SDK1: variants seen among roughly 807,000 people sequenced by gnomAD.
SDK1 encodes the protein protein sidekick-1.
In SDK1, 157 loss-of-function variants were observed where a neutral mutation model predicts 245.5. The observed-to-expected ratio is 0.64, with a 90% confidence interval of 0.56 to 0.73. SDK1 has a LOEUF of 0.73. Ranked by LOEUF, SDK1 falls within the 30% of genes least tolerant of loss-of-function variation. SDK1 has a pLI of 0.00. For missense variants in SDK1, 3,583 were observed against 3,002.3 expected (o/e 1.19, Z -4.52); for synonymous variants, 1,647 against 1,278.5 (o/e 1.29, Z -6.15).
At chr7:3,529,049 T>TTG (rs752851549) in intron 1 of SDK1, among the ~76,000 whole-genome samples, 11 of 152,038 alleles carry the variant, frequency 7.2e-5, no homozygotes, top group Non-Finnish European at 1.6e-4. Flanking sequence ...AGTAAATATA[T>TTG]TGAGGGTAAA....
At chr7:3,531,297 A>AT (rs1158735451) in intron 1 of SDK1, among the ~76,000 whole-genome samples, 1 of 152,070 alleles carries the variant, frequency 6.6e-6, no homozygotes, top group Non-Finnish European at 1.5e-5. Context: ...TAAGTCCTTT[A>AT]TTTACCCTTG....
At chr7:3,830,907 T>C (rs1779897692) in intron 5 of SDK1, among the ~76,000 whole-genome samples, 1 of 152,232 alleles carries the variant, frequency 6.6e-6, no homozygotes, top group Non-Finnish European at 1.5e-5. Flanking sequence ...GGAATCATAT[T>C]ATGTAAACAT....
intron 5 of SDK1, among the ~76,000 whole-genome samples, chr7:3,826,466 C>G (rs377381972): frequency 6.6e-6 from 1 of 152,188 alleles, no homozygotes; most frequent in East Asian, 1.9e-4. Context: ...CTTCTACTAA[C>G]GACACAAGTG....
At chr7:4,116,964 C>T (rs1485212961) in intron 25 of SDK1, among the ~76,000 whole-genome samples, 1 of 152,196 alleles carries the variant, frequency 6.6e-6, no homozygotes, top group Non-Finnish European at 1.5e-5. Flanking sequence ...TGGAGACGCA[C>T]CCACATGCAG....
At chr7:3,305,566 T>C (rs1031271219) in intron 1 of SDK1, among the ~76,000 whole-genome samples, 1 of 152,184 alleles carries the variant, frequency 6.6e-6, no homozygotes, top group Non-Finnish European at 1.5e-5. Context: ...AGAAGTACTT[T>C]GCTTCCCCTC....
At chr7:3,533,468 G>A (rs1783416543) in intron 1 of SDK1, among the ~76,000 whole-genome samples, 1 of 152,104 alleles carries the variant, frequency 6.6e-6, no homozygotes, top group Non-Finnish European at 1.5e-5. Flanking sequence ...GTATTCTCCA[G>A]GCAGTAAGGG....
intron 1 of SDK1, among the ~76,000 whole-genome samples, chr7:3,357,574 C>T (rs970472876): frequency 1.3e-5 from 2 of 151,594 alleles, no homozygotes; most frequent in African/African-American, 4.8e-5. Context: ...CCTTGAACAC[C>T]TGTGCTCAAG....
chr7:3,380,129 T>A (rs1051873886), intron 1 of SDK1, among the ~76,000 whole-genome samples: 1 of 152,214 alleles, frequency 6.6e-6, no homozygotes, highest in Non-Finnish European at 1.5e-5. Context: ...GACTGTGGAT[T>A]GTTTTTATAA....
chr7:3,555,803 A>G (rs1450248887), intron 1 of SDK1, among the ~76,000 whole-genome samples: 1 of 152,210 alleles, frequency 6.6e-6, no homozygotes, highest in African/African-American at 2.4e-5. Context: ...ACAAATGGCA[A>G]ACAGGTGTAT....
chr7:4,138,493 C>T (rs1320042311), intron 28 of SDK1, among the ~76,000 whole-genome samples: 1 of 152,024 alleles, frequency 6.6e-6, no homozygotes, highest in East Asian at 1.9e-4. Flanking sequence ...TGCCTGTAAT[C>T]CCAGCACTTT....
intron 4 of SDK1, among the ~76,000 whole-genome samples, chr7:3,677,645 C>T (rs1783948852): frequency 6.6e-6 from 1 of 152,214 alleles, no homozygotes; most frequent in Admixed American, 6.5e-5. Flanking sequence ...GGTAGGGACA[C>T]AGCCAAACCA....
At chr7:4,187,690 C>T (rs948205624) in intron 35 of SDK1, among the ~76,000 whole-genome samples, 6 of 152,202 alleles carry the variant, frequency 3.9e-5, no homozygotes, top group Non-Finnish European at 7.3e-5. Context: ...TTCGAGCAGA[C>T]AGCAATTCAT....
chr7:3,496,590 G>C (rs1782033416), intron 1 of SDK1, among the ~76,000 whole-genome samples: 1 of 152,070 alleles, frequency 6.6e-6, no homozygotes, highest in South Asian at 2.1e-4. Flanking sequence ...GTTGCTTGGT[G>C]AAAGTGAAAA....
chr7:3,546,546 G>C (rs1029834388), intron 1 of SDK1, among the ~76,000 whole-genome samples: 2 of 152,226 alleles, frequency 1.3e-5, no homozygotes, highest in African/African-American at 4.8e-5. Context: ...TGGAAAACAG[G>C]ACATGGAAAG....
intron 1 of SDK1, among the ~76,000 whole-genome samples, chr7:3,369,604 TGAA>T (rs1227173758): frequency 6.6e-6 from 1 of 152,216 alleles, no homozygotes; most frequent in Non-Finnish European, 1.5e-5. Flanking sequence ...CATCTCCTAT[TGAA>T]GAATAGGATG....
intron 17 of SDK1, among the ~76,000 whole-genome samples, chr7:4,034,982 A>G (rs892782775): frequency 5.9e-5 from 9 of 152,142 alleles, no homozygotes; most frequent in Non-Finnish European, 1.5e-5. Context: ...CATAGCACTA[A>G]ATTAATTTTT....
intron 4 of SDK1, among the ~76,000 whole-genome samples, chr7:3,646,085 C>T (rs1374024325): frequency 6.6e-6 from 1 of 152,128 alleles, no homozygotes; most frequent in African/African-American, 2.4e-5. Flanking sequence ...TCTCGAACTC[C>T]TGACCTTGTG....
At position 4,100,803 on chromosome 7, in the gene SDK1, G is replaced by T. The variant is rs531445505; in HGVS notation, c.3325-9860G>T. On this transcript the variant is annotated intron_variant, in intron 22 of 44. Coordinates refer to ENST00000404826, the MANE Select transcript of SDK1 (RefSeq NM_152744.4). The stretch of plus-strand genomic sequence containing the variant: ...ACCAGGCACCCCTGGGCCTGGAGAG[G>T]GAGGCTGGACCGCTCGGCACAGCAA... 8.3e-4 allele frequency among the ~76,000 whole-genome samples: 127 copies of T among 152,318 alleles called. 2 individuals carry two copies. Among genetic ancestry groups the T allele is most frequent in the African/African-American group, 2.9e-3 (121 of 41,582 alleles).
At chr7:3,382,143 T>C (rs1781504884) in intron 1 of SDK1, among the ~76,000 whole-genome samples, 1 of 152,106 alleles carries the variant, frequency 6.6e-6, no homozygotes, top group African/African-American at 2.4e-5. Context: ...CTTAAACATT[T>C]TTTTTTGTGT....
Sources: gnomAD v4.1 joint callset for allele counts (sites outside exome capture counted in the v4.1 genomes callset) on GRCh38, gnomAD v4.1.1 for gene constraint, MANE v1.5 for transcripts, NCBI Gene and HGNC (gene_info 2026-07-23, HGNC 2026-07-21) for gene names.